The following LRP1B variants were observed in gnomAD, a reference collection of about 807,000 sequenced individuals.
The protein encoded by LRP1B is LDL receptor related protein 1B, also known as low-density lipoprotein receptor-related protein 1B.
In LRP1B, 217 loss-of-function variants were observed where a neutral mutation model predicts 556.6. The ratio of observed to expected loss-of-function variants is 0.39; its 90% CI spans 0.35 to 0.44. LRP1B has a LOEUF of 0.44. Among genes scored for constraint, LRP1B ranks in the 20% least tolerant of loss-of-function variants. The pLI is 1.00. For synonymous variants in LRP1B, 2,047 were observed against 1,865.8 expected, an observed-to-expected ratio of 1.10 and a Z score of -2.50; for missense variants, 5,053 against 5,620.8, an observed-to-expected ratio of 0.90 and a Z score of 3.23.
chr2:140,799,821 C>T (rs1271342628), intron 32 of LRP1B, among the ~76,000 whole-genome samples: 1 of 152,104 alleles, frequency 6.6e-6, no homozygotes, highest in Non-Finnish European at 1.5e-5. Flanking sequence ...CTACAGCTCC[C>T]AGCCTGAGTG....
chr2:141,256,226 A>G (rs1684457408), intron 3 of LRP1B, among the ~76,000 whole-genome samples: 2 of 152,066 alleles, frequency 1.3e-5, no homozygotes, highest in Admixed American at 1.3e-4. Context: ...TAAAAGTATG[A>G]GAGTTTGGAT....
intron 7 of LRP1B, among the ~76,000 whole-genome samples, chr2:141,086,882 G>T (rs1034775803): frequency 6.6e-6 from 1 of 152,096 alleles, no homozygotes; most frequent in Non-Finnish European, 1.5e-5. Context: ...CCAGAAGATT[G>T]CTTATTGCTC....
chr2:140,666,338 A>G (rs1054221428), intron 41 of LRP1B, among the ~76,000 whole-genome samples: 1 of 150,246 alleles, frequency 6.7e-6, no homozygotes, highest in Non-Finnish European at 1.5e-5. Context: ...ACACCACACA[A>G]ATAAATTGCC....
chr2:141,872,000 A>G (rs965343100), intron 1 of LRP1B, among the ~76,000 whole-genome samples: 3 of 151,972 alleles, frequency 2.0e-5, no homozygotes, highest in South Asian at 4.1e-4. Flanking sequence ...ATGAGAACCT[A>G]GCAGCTGGAA....
intron 2 of LRP1B, among the ~76,000 whole-genome samples, chr2:141,751,429 T>C (rs1281667427): frequency 1.3e-5 from 2 of 152,162 alleles, no homozygotes; most frequent in South Asian, 2.1e-4. Flanking sequence ...AGTCAGAATA[T>C]GTTGTATGCC....
Position 140,314,965 on chromosome 2 carries a change from T to A in LRP1B, c.12775A>T (p.Asn4259Tyr). 1.2e-6 allele frequency: 2 copies of A among 1,609,082 alleles called. No individual in the cohort carries two copies. Among genetic ancestry groups the A allele is most frequent in the Non-Finnish European group, 1.7e-6 (2 of 1,177,514 alleles). The stretch of plus-strand genomic sequence containing the variant: ...ACTGATGGTACGCAAGTTCCTCCAT[T>A]CTGGCAGTAGTTGCTACAGTGGTTG... ...EVNHCSNYCQ[N>Y]GGTCVPSVLG... Residue 4259 changes from asparagine (N) to tyrosine (Y), a missense_variant, in exon 83 of 91, where the codon AAT (asparagine) becomes TAT (tyrosine). Asn to Tyr is a moderately radical substitution (Grantham distance 143). Transcript: ENST00000389484.
At chr2:141,095,739 A>G (rs984422733) in intron 7 of LRP1B, among the ~76,000 whole-genome samples, 1 of 152,056 alleles carries the variant, frequency 6.6e-6, no homozygotes, top group African/African-American at 2.4e-5. Context: ...CTCAACATGA[A>G]TGTGATTTGC....
intron 2 of LRP1B, among the ~76,000 whole-genome samples, chr2:141,774,519 T>C (rs987904633): frequency 6.6e-6 from 1 of 152,028 alleles, no homozygotes; most frequent in African/African-American, 2.4e-5. Context: ...CCTACCATAC[T>C]CCACCTCCAA....
At chr2:141,726,362 A>G (rs996294729) in intron 2 of LRP1B, among the ~76,000 whole-genome samples, 17 of 151,888 alleles carry the variant, frequency 1.1e-4, no homozygotes, top group African/African-American at 4.1e-4. Flanking sequence ...ATTTAAACAT[A>G]TATAATTTTT....
chr2:140,437,315 T>C (rs1400215619), intron 66 of LRP1B, among the ~76,000 whole-genome samples: 2 of 152,136 alleles, frequency 1.3e-5, no homozygotes, highest in Admixed American at 6.6e-5. Flanking sequence ...GATAGAGAGA[T>C]ACTGTGATAC....
intron 77 of LRP1B, among the ~76,000 whole-genome samples, chr2:140,338,134 T>C (rs564995870): frequency 1.1e-3 from 161 of 151,904 alleles, no homozygotes; most frequent in Non-Finnish European, 1.7e-3. Context: ...CCATTTAATA[T>C]ATACATTTAT....
intron 11 of LRP1B, among the ~76,000 whole-genome samples, chr2:141,043,366 G>T (rs146887674): frequency 2.0e-5 from 3 of 151,938 alleles, no homozygotes; most frequent in Admixed American, 2.0e-4. Context: ...TGAAGTAGAT[G>T]AATTGAATCT....
At chr2:140,392,000 C>G (rs759228179) in intron 66 of LRP1B, among the ~76,000 whole-genome samples, 1 of 152,098 alleles carries the variant, frequency 6.6e-6, no homozygotes, top group Non-Finnish European at 1.5e-5. Context: ...TTCCCTGTTT[C>G]AGCATGTAGC....
chr2:140,455,303 C>T (rs1228101288), intron 62 of LRP1B, among the ~76,000 whole-genome samples: 6 of 152,184 alleles, frequency 3.9e-5, no homozygotes, highest in Admixed American at 6.5e-5. Context: ...GCGGTCAGAA[C>T]CTCTTGAGGG....
At chr2:140,623,728 G>A (rs1427550065) in intron 41 of LRP1B, among the ~76,000 whole-genome samples, 1 of 151,724 alleles carries the variant, frequency 6.6e-6, no homozygotes, top group African/African-American at 2.4e-5. Context: ...AGACCAGCCT[G>A]GGCAACATAG....
intron 43 of LRP1B, among the ~76,000 whole-genome samples, chr2:140,576,988 G>A (rs951235155): frequency 3.8e-4 from 57 of 151,980 alleles, no homozygotes; most frequent in African/African-American, 1.4e-3. Context: ...CAATGTAAGA[G>A]TTTTGTGTTT....
intron 1 of LRP1B, among the ~76,000 whole-genome samples, chr2:141,894,175 T>C (rs1574470669): frequency 6.6e-6 from 1 of 152,208 alleles, no homozygotes; most frequent in South Asian, 2.1e-4. Flanking sequence ...GCCCATGTGA[T>C]TTAACAAAAG....
chr2:141,039,873 T>G (rs1698645492), intron 11 of LRP1B, among the ~76,000 whole-genome samples: 1 of 152,124 alleles, frequency 6.6e-6, no homozygotes, highest in South Asian at 2.1e-4. Flanking sequence ...TTCAAACATC[T>G]CATCTAGTTC....
chr2:140,996,372 T>C (rs1697246566), intron 15 of LRP1B, among the ~76,000 whole-genome samples: 2 of 152,052 alleles, frequency 1.3e-5, no homozygotes, highest in South Asian at 4.1e-4. Context: ...AAACATTTAA[T>C]GTGCCAAGTC....
Sources: gnomAD v4.1 joint callset for allele counts (sites outside exome capture counted in the v4.1 genomes callset) on GRCh38, gnomAD v4.1.1 for gene constraint, MANE v1.5 for transcripts, NCBI Gene and HGNC (gene_info 2026-07-23, HGNC 2026-07-21) for gene names.